The following C3 variants were observed in gnomAD, a reference collection of about 807,000 sequenced individuals.
C3 encodes the protein complement C3.
A neutral mutation model predicts 207.9 loss-of-function variants in C3; 97 were observed. The observed-to-expected ratio is 0.47, with a 90% CI of 0.40 to 0.55. The LOEUF is 0.55. Among genes scored for constraint, C3 ranks in the 20% least tolerant of loss-of-function variants. The pLI, the probability that C3 is intolerant of heterozygous loss-of-function variation, is 0.00. For synonymous variants in C3, 848 were observed against 857.6 expected, an observed-to-expected ratio of 0.99 and a Z score of 0.20; for missense variants, 1,684 against 2,171.7, an observed-to-expected ratio of 0.78 and a Z score of 4.46.
intron 17 of C3, 27 bp from the exon 18 acceptor site, chr19:6,702,606 G>C (rs1163467041): frequency 1.1e-5 from 17 of 1,485,820 alleles, no homozygotes; most frequent in Non-Finnish European, 1.6e-5. Flanking sequence ...TCTGCATTTA[G>C]AACAGAGCAG....
intron 28 of C3, 199 bp downstream of exon 28, chr19:6,686,547 A>G: frequency 4.0e-6 from 3 of 742,822 alleles, no homozygotes; most frequent in Non-Finnish European, 7.1e-6. Context: ...TACAATGAGG[A>G]CCTGCGAAAA....
intron 33 of C3, chr19:6,683,109 A>G (rs1917905154): frequency 6.6e-6 from 1 of 152,234 alleles, no homozygotes; most frequent in Non-Finnish European, 1.5e-5. Context: ...AAGGGACATT[A>G]TAGAATACAA....
Position 6,718,335 on chromosome 19 carries a change from T to A in C3, c.345A>T (p.Gln115His). 1 of 1,614,222 alleles carries A rather than the reference T, an allele frequency of 6.2e-7. No homozygotes were observed. The highest frequency in any genetic ancestry group is 1.1e-5 in the South Asian group (1 of 91,084). ...TGACCAGCACCACCTTCTCCACCACTTGGGTCCCGAAGGTGGCCTGCACGG... is the reference window on the plus strand; with the variant it reads ...TGACCAGCACCACCTTCTCCACCACATGGGTCCCGAAGGTGGCCTGCACGG... ...FVTVQATFGT[Q>H]VVEKVVLVSL... is the part of the protein sequence containing the mutation. The change falls in exon 3 of 41, where the codon CAA becomes CAT. Residue 115 changes from glutamine (Q) to histidine (H), a missense_variant. By Grantham distance (24) the Gln-to-His change is conservative. Coordinates refer to ENST00000245907, the MANE Select transcript of C3 (RefSeq NM_000064.4).
At chr19:6,705,697 C>T (rs539558249) in intron 17 of C3, among the ~76,000 whole-genome samples, 32 of 142,522 alleles carry the variant, frequency 2.2e-4, no homozygotes, top group East Asian at 1.3e-3. Flanking sequence ...GTTTTTGAGA[C>T]GGAGTCTTGC....
At position 6,697,742 on chromosome 19, in the gene C3, G is replaced by A. The variant is rs554299798; in HGVS notation, c.2493C>T (p.Ile831=). ...CAACAGAGTAGGGTAGCCGCAGGTC[G>A]ATGAAGAAGTCCTGCATTACTGTGA... ...FEVTVMQDFF[I]DLRLPYSVVR... Residue 831 remains isoleucine (I), a synonymous_variant, in exon 20 of 41, where the codon ATC becomes ATT. Coordinates refer to ENST00000245907, the MANE Select transcript of C3 (RefSeq NM_000064.4). 9 of 1,613,958 alleles carry A rather than the reference G, an allele frequency of 5.6e-6. No homozygotes were observed. Among genetic ancestry groups the A allele is most frequent in the African/African-American group, 2.7e-5 (2 of 75,004 alleles).
In C3 at chr19:6,677,969, G is replaced by A. The variant is rs201563777; in HGVS notation, c.4905C>T (p.Asp1635=). The change falls in exon 41 of 41, where the codon GAC becomes GAT. Residue 1635 remains aspartate (D), a synonymous_variant. Transcript: ENST00000245907. The part of the protein sequence containing the change: ...DTWVEHWPEE[D]ECQDEENQKQ... Reference sequence around the variant, plus strand: ...TCTGGTTCTCTTCGTCTTGGCATTCGTCCTCCTCGGGCCAGTGCTCCACCC... The same window carrying A: ...TCTGGTTCTCTTCGTCTTGGCATTCATCCTCCTCGGGCCAGTGCTCCACCC... 12 of 1,614,122 alleles carry A rather than the reference G, an allele frequency of 7.4e-6. No homozygotes were observed. The East Asian group carries it at 1.6e-4, about 21-fold the overall frequency.
intron 17 of C3, 71 bp downstream of exon 17, chr19:6,707,005 C>G (rs868279216): frequency 9.9e-5 from 110 of 1,110,894 alleles, no homozygotes; most frequent in Middle Eastern, 8.8e-4. Context: ...AGGGCATCCT[C>G]CCTCCTCAGA....
Position 6,701,304 on chromosome 19 carries a change from G to T in C3, c.2440+823C>A, listed in dbSNP as rs923409145. Among the ~76,000 whole-genome samples, 5 of 152,162 alleles carry T rather than the reference G, an allele frequency of 3.3e-5. 1 individual carries two copies. Reference sequence around the variant, plus strand: ...AACACACCTCTGGGTGGAGATTTTCGATGCTAATGAGACATGCCACGTGCA... The same window carrying T: ...AACACACCTCTGGGTGGAGATTTTCTATGCTAATGAGACATGCCACGTGCA... On this transcript the variant is annotated intron_variant, in intron 19 of 40. Transcript: ENST00000245907.
intron 37 of C3, 86 bp downstream of exon 37, chr19:6,679,321 G>A: frequency 7.0e-7 from 1 of 1,435,278 alleles, no homozygotes; most frequent in East Asian, 2.3e-5. Flanking sequence ...CTGGGTATGG[G>A]TCTGGGGGTC....
At position 6,684,400 on chromosome 19, in the gene C3, T is replaced by G; in HGVS notation, c.4160A>C (p.Glu1387Ala). ...CCTAGCTTCTTACCTGGTACAGATC[T>G]CAAGGATCATAGTGTTCTTGGCATC... ...PQDAKNTMILEICTRYRGDQD... is the reference protein window; with the variant it reads ...PQDAKNTMILAICTRYRGDQD... Residue 1387 changes from glutamate (E) to alanine (A), a missense_variant, in exon 33 of 41, where the codon GAG becomes GCG. By Grantham distance (107) the Glu-to-Ala change is moderately radical (BLOSUM62 -1). Transcript: ENST00000245907. The G allele has an allele frequency of 6.2e-7, 1 of 1,613,968 alleles. No individual in the cohort carries two copies. Among genetic ancestry groups the G allele is most frequent in the Non-Finnish European group, 8.5e-7 (1 of 1,179,798 alleles).
chr19:6,714,060 T>C lies in C3; in HGVS notation c.705A>G (p.Ile235Met). The stretch of plus-strand genomic sequence containing the variant: ...AGTAGAATTTCTCTGTAGGCTCCAC[T>C]ATGACCTCGAAACTGGGCAGCACTG... Reference protein sequence around the residue: ...KEYVLPSFEVIVEPTEKFYYI... With the variant: ...KEYVLPSFEVMVEPTEKFYYI... The change falls in exon 7 of 41, where the codon ATA becomes ATG. Residue 235 changes from isoleucine to methionine, a missense_variant. Ile to Met is a conservative substitution (Grantham distance 10). Coordinates refer to ENST00000245907, the MANE Select transcript of C3 (RefSeq NM_000064.4). The C allele has an allele frequency of 1.2e-6, 2 of 1,612,324 alleles. No individual in the cohort carries two copies. Among genetic ancestry groups the C allele is most frequent in the Non-Finnish European group, 1.7e-6 (2 of 1,179,490 alleles).
At chr19:6,699,982 A>G (rs192049999) in intron 19 of C3, among the ~76,000 whole-genome samples, 31 of 149,046 alleles carry the variant, frequency 2.1e-4, no homozygotes, top group Admixed American at 2.7e-4. Flanking sequence ...AATAAAATAT[A>G]CATTATATAT....
chr19:6,712,454 G>T (rs887663766), intron 10 of C3, 48 bp from the exon 11 acceptor site: 1 of 1,614,054 alleles, frequency 6.2e-7, no homozygotes, highest in African/African-American at 1.3e-5. Flanking sequence ...GCTCAGGGCT[G>T]TGGCCGGTGT....
rs370359659 is a variant in C3, at chr19:6,693,206, G to A, written c.3231-123C>T. ...CAGTTTGCCTGGTTTGCCTTCCCAG[G>A]CCCCAGGACCCAGCTGTTGTATGCG... On this transcript the variant is annotated intron_variant, in intron 25 of 40. Coordinates refer to ENST00000245907, the MANE Select transcript of C3 (RefSeq NM_000064.4). The A allele has an allele frequency of 2.0e-4, 248 of 1,245,088 alleles. 2 individuals carry two copies. The African/African-American group carries it at 3.2e-3, about 16-fold the overall frequency. The allele number at this position is 1,245,088 out of a possible 1,614,324, so 77.1% of individuals were successfully genotyped here. A position where few individuals can be genotyped will look rare whatever the true frequency, so the allele number is the denominator to read the frequency against.
rs775838681 is a variant in C3 at position 6,696,678 on chromosome 19, G to C, written c.2797-19C>G. The C allele has an allele frequency of 1.2e-6, 2 of 1,609,768 alleles. No individual in the cohort carries two copies. Among genetic ancestry groups the C allele is most frequent in the South Asian group, 1.1e-5 (1 of 90,986 alleles). On this transcript the variant is annotated intron_variant, in intron 21 of 40. Transcript: ENST00000245907. ...CTTCCGGCTACGCAGTGTTAGAGGT[G>C]GGGGGAGTCGTTGGATGAATAAAAG...
chr19:6,713,162 G>C (rs761409858), intron 9 of C3, 27 bp downstream of exon 9: 15 of 1,613,434 alleles, frequency 9.3e-6, no homozygotes, highest in Non-Finnish European at 1.3e-5. Flanking sequence ...TGGTGGTCCT[G>C]AGCCTGGCCT....
At position 6,712,169 on chromosome 19, in the gene C3, T is replaced by C. The variant is rs1967934326; in HGVS notation, c.1269+88A>G. 6.6e-6 allele frequency: 10 copies of C among 1,526,608 alleles called. 1 individual carries two copies. The South Asian group carries it at 6.7e-5, about 10-fold the overall frequency. The allele number at this position is 1,526,608 out of a possible 1,614,324, so 94.6% of individuals were successfully genotyped here. A position where few individuals can be genotyped will look rare whatever the true frequency, so the allele number is the denominator to read the frequency against. ...CTCTATGCAGATGAGAATATCTGTA[T>C]GCAAATGACAGGACCCCACTGTGCA... On this transcript the variant is annotated intron_variant, in intron 11 of 40. Transcript: ENST00000245907.
chr19:6,714,805 A>T (rs1386661191), intron 4 of C3, among the ~76,000 whole-genome samples: 1 of 152,136 alleles, frequency 6.6e-6, no homozygotes, highest in Non-Finnish European at 1.5e-5. Flanking sequence ...GAGATTGCAG[A>T]GAGCCAAGAT....
chr19:6,679,329 G>T (rs1917798724), intron 37 of C3, 78 bp downstream of exon 37: 1 of 1,432,954 alleles, frequency 7.0e-7, no homozygotes. Context: ...GGGTCTGGGG[G>T]TCCCTGACCA....
Sources: allele counts gnomAD v4.1 joint callset (sites outside exome capture counted in the v4.1 genomes callset), GRCh38; gene constraint gnomAD v4.1.1; transcripts MANE v1.5; gene names NCBI Gene and HGNC (gene_info 2026-07-23, HGNC 2026-07-21).